The following SPECC1L variants were observed in gnomAD, a reference collection of about 807,000 sequenced individuals.
The protein encoded by SPECC1L is cytospin-A.
In SPECC1L, 40 loss-of-function variants were observed where a neutral mutation model predicts 116.8. The observed-to-expected ratio is 0.34, with a 90% CI of 0.27 to 0.45. The LOEUF is 0.45. Among genes scored for constraint, SPECC1L ranks in the 20% least tolerant of loss-of-function variants. The pLI, the probability that SPECC1L is intolerant of heterozygous loss-of-function variation, is 1.00. For missense variants in SPECC1L, 1,110 were observed against 1,373.6 expected (o/e 0.81, Z 3.03); for synonymous variants, 504 against 500.6 (o/e 1.01, Z -0.09).
Position 24,369,283 on chromosome 22 carries a change from TGCTGAAGTGGTGTCAGAAGAAAACAGAAG to T in SPECC1L, c.3054_3082del (p.Lys1019SerfsTer4). The stretch of plus-strand genomic sequence containing the variant: ...TATGGAGGATCAAAGAGGAACGCCT[TGCTGAAGTGGTGTCAGAAGAAAACAGAAG>T]GCTATCAGGTAATCATATGATTCTT... On this transcript the variant is annotated frameshift_variant, in exon 14 of 17. Coordinates refer to ENST00000314328, the MANE Select transcript of SPECC1L (RefSeq NM_015330.6). LOFTEE classifies it high-confidence loss of function. The T allele has an allele frequency of 6.2e-7, 1 of 1,614,176 alleles. No homozygotes were observed. Among genetic ancestry groups the T allele is most frequent in the East Asian group, 2.2e-5 (1 of 44,888 alleles).
At chr22:24,279,016 G>A (rs2048890507) in intron 2 of SPECC1L, among the ~76,000 whole-genome samples, 1 of 152,164 alleles carries the variant, frequency 6.6e-6, no homozygotes. Flanking sequence ...GGATGAGGGA[G>A]GTATATGTAT....
chr22:24,285,705 G>T (rs1040297717), intron 2 of SPECC1L, among the ~76,000 whole-genome samples: 13 of 151,594 alleles, frequency 8.6e-5, no homozygotes, highest in Admixed American at 8.5e-4. Flanking sequence ...GTGCAGTGTC[G>T]CGGTCTCAGC....
At chr22:24,311,144 T>C (rs5760331) in intron 3 of SPECC1L, among the ~76,000 whole-genome samples, 25,739 of 152,214 alleles carry the variant, frequency 0.17, 2,691 homozygotes, top group Admixed American at 0.23. Flanking sequence ...TCATTATAAG[T>C]GCAAAGTTTA....
intron 11 of SPECC1L, among the ~76,000 whole-genome samples, chr22:24,350,421 A>G (rs1237474539): frequency 6.6e-6 from 1 of 152,174 alleles, no homozygotes; most frequent in Non-Finnish European, 1.5e-5. Flanking sequence ...GGTGAGTGAA[A>G]GAAAGAAGAG....
intron 2 of SPECC1L, among the ~76,000 whole-genome samples, chr22:24,286,814 A>C (rs991162400): frequency 6.6e-6 from 1 of 152,230 alleles, no homozygotes; most frequent in African/African-American, 2.4e-5. Context: ...AGGCTGAGGC[A>C]GAAGAATCAT....
intron 6 of SPECC1L, among the ~76,000 whole-genome samples, chr22:24,326,222 C>T (rs1389761108): frequency 2.6e-5 from 4 of 152,188 alleles, no homozygotes; most frequent in Admixed American, 1.3e-4. Context: ...TGTGCCACCA[C>T]GCCTGACCGC....
At chr22:24,313,261 A>G (rs1601536491) in intron 3 of SPECC1L, 52 bp from the exon 4 acceptor site, 6 of 1,597,480 alleles carry the variant, frequency 3.8e-6, no homozygotes, top group Middle Eastern at 1.9e-4. Context: ...GTCTCAAAAT[A>G]TCTAATCTTG....
intron 11 of SPECC1L, 87 bp downstream of exon 11, chr22:24,347,263 T>C: frequency 1.0e-6 from 1 of 968,808 alleles, no homozygotes; most frequent in Admixed American, 1.8e-5. Flanking sequence ...TTTTCTTTGC[T>C]CTTGATACTA....
chr22:24,373,434 C>A (rs1278443281), intron 14 of SPECC1L, among the ~76,000 whole-genome samples: 1 of 152,082 alleles, frequency 6.6e-6, no homozygotes, highest in African/African-American at 2.4e-5. Flanking sequence ...GAGATATAGA[C>A]CAATGGAACA....
intron 14 of SPECC1L, among the ~76,000 whole-genome samples, chr22:24,392,831 A>C (rs2042297706): frequency 6.6e-6 from 1 of 152,234 alleles, no homozygotes; most frequent in Non-Finnish European, 1.5e-5. Context: ...TACTCAGCTC[A>C]GTGCCACTGG....
chr22:24,293,038 C>T (rs760493814), intron 2 of SPECC1L, among the ~76,000 whole-genome samples: 27 of 151,844 alleles, frequency 1.8e-4, no homozygotes, highest in East Asian at 3.9e-4. Context: ...GAGGCTGAGG[C>T]GGAGCTCAGG....
rs1216940042 is a variant in SPECC1L, at chr22:24,416,412, CTGAGT to C, written c.*1792_*1796del. The C allele has an allele frequency of 6.6e-6, 1 of 152,334 alleles. No individual in the cohort carries two copies. Among genetic ancestry groups the C allele is most frequent in the African/African-American group, 2.4e-5 (1 of 41,462 alleles). The allele number at this position is 152,334 out of a possible 1,614,324, so 9.4% of individuals were successfully genotyped here. A position where few individuals can be genotyped will look rare whatever the true frequency, so the allele number is the denominator to read the frequency against. On this transcript the variant is annotated 3_prime_UTR_variant, in exon 17 of 17. Coordinates refer to ENST00000314328, the MANE Select transcript of SPECC1L (RefSeq NM_015330.6). ...CTCCTGGCCCCGTCCCGCCCCCTGTCTGAGTTGTGTTTTTGTTGCTGTTCCTCTGT... is the reference window on the plus strand; with the variant it reads ...CTCCTGGCCCCGTCCCGCCCCCTGTCTGTGTTTTTGTTGCTGTTCCTCTGT...
intron 6 of SPECC1L, among the ~76,000 whole-genome samples, chr22:24,326,501 A>G (rs2040824348): frequency 1.3e-5 from 2 of 152,252 alleles, no homozygotes; most frequent in East Asian, 1.9e-4. Flanking sequence ...ACCAGATTAG[A>G]TGGCCTGTTT....
intron 2 of SPECC1L, among the ~76,000 whole-genome samples, chr22:24,277,480 C>T (rs534480063): frequency 6.6e-6 from 1 of 152,268 alleles, no homozygotes; most frequent in African/African-American, 2.4e-5. Context: ...CATCTGATTC[C>T]ATAACATGTT....
chr22:24,316,297 T>TATTG (rs1298644545), intron 4 of SPECC1L, among the ~76,000 whole-genome samples: 5 of 149,506 alleles, frequency 3.3e-5, no homozygotes, highest in South Asian at 2.1e-4. Context: ...TTTATTTATT[T>TATTG]ATTGATCATT....
Position 24,338,393 on chromosome 22 carries a change from C to T in SPECC1L, c.2568C>T (p.Asn856=). 6.2e-7 allele frequency: 1 copy of T among 1,614,002 alleles called. No homozygotes were observed. The highest frequency in any genetic ancestry group is 1.3e-5 in the African/African-American group (1 of 75,038). ...TGTTTGTTGTTTTTGTAGTACCAAA[C>T]CCTGCTGCAGCTGCAATTCCTCGAA... ...KSFDSASQVP[N]PAAAAIPRTP... The change falls in exon 10 of 17, where the codon AAC becomes AAT. Residue 856 remains asparagine (N), a synonymous_variant. Transcript: ENST00000314328.
chr22:24,308,588 T>C (rs4822484), intron 3 of SPECC1L, among the ~76,000 whole-genome samples: 25,723 of 152,236 alleles, frequency 0.17, 2,685 homozygotes, highest in Admixed American at 0.23. Flanking sequence ...CAGGTTACTG[T>C]GTTCGCTCTT....
chr22:24,273,671 T>G (rs1420310032), intron 1 of SPECC1L, among the ~76,000 whole-genome samples: 1 of 152,222 alleles, frequency 6.6e-6, no homozygotes, highest in Admixed American at 6.5e-5. Flanking sequence ...TTGGTCACAG[T>G]CTACTGAGAA....
At chr22:24,303,728 T>TTTGGTC (rs1409331067) in intron 3 of SPECC1L, among the ~76,000 whole-genome samples, 1 of 152,156 alleles carries the variant, frequency 6.6e-6, no homozygotes, top group Non-Finnish European at 1.5e-5. Context: ...TTGCTGGGAA[T>TTTGGTC]TTGGTCTTGA....
Sources: gnomAD v4.1 joint callset for allele counts (sites outside exome capture counted in the v4.1 genomes callset) on GRCh38, gnomAD v4.1.1 for gene constraint, MANE v1.5 for transcripts, NCBI Gene and HGNC (gene_info 2026-07-23, HGNC 2026-07-21) for gene names.